CDK5RAP3: variants seen among roughly 807,000 people sequenced by gnomAD.
CDK5RAP3 encodes CDK5 regulatory subunit-associated protein 3.
Under a neutral mutation model 73.3 loss-of-function variants are expected in CDK5RAP3, and 58 were observed. That is an observed-to-expected ratio of 0.79 (90% CI 0.64 to 0.98). CDK5RAP3 has a LOEUF of 0.98. CDK5RAP3 is among the 50% of genes least tolerant of loss of function. The pLI, the probability that CDK5RAP3 is intolerant of heterozygous loss-of-function variation, is 0.00. For synonymous variants in CDK5RAP3, 224 were observed against 247.5 expected (o/e 0.91, Z 0.89); for missense variants, 525 against 615.8 (o/e 0.85, Z 1.56).
chr17:47,977,259 C>T (rs1018422883), intron 9 of CDK5RAP3, among the ~76,000 whole-genome samples: 3 of 152,222 alleles, frequency 2.0e-5, no homozygotes, highest in African/African-American at 4.8e-5. Context: ...CGCCATTCTC[C>T]TGCCTCAGCC....
intron 3 of CDK5RAP3, 108 bp downstream of exon 3, chr17:47,973,758 A>G: frequency 7.0e-7 from 1 of 1,435,380 alleles, no homozygotes; most frequent in Non-Finnish European, 9.6e-7. Context: ...TTAGAGAGGG[A>G]GCGATTTTTA....
chr17:47,973,701 G>C, intron 3 of CDK5RAP3, 51 bp downstream of exon 3: 1 of 1,600,566 alleles, frequency 6.2e-7, no homozygotes, highest in Non-Finnish European at 8.5e-7. Context: ...GAGGTAGTAT[G>C]TATCAGCTGA....
chr17:47,970,845 C>T, upstream of CDK5RAP3: 6 of 1,407,910 alleles, frequency 4.3e-6, no homozygotes, highest in Non-Finnish European at 5.7e-6. Flanking sequence ...CGAGCGCCGC[C>T]TGTCGCAATC....
chr17:47,974,776 G>A, intron 5 of CDK5RAP3: 1 of 1,276,652 alleles, frequency 7.8e-7, no homozygotes, highest in Non-Finnish European at 1.0e-6. Flanking sequence ...TCTACACAAG[G>A]CAGAAGAGGC....
chr17:47,971,064 G>C, upstream of CDK5RAP3: 2 of 1,550,232 alleles, frequency 1.3e-6, no homozygotes, highest in South Asian at 2.4e-5. Context: ...GTGTCTAAAC[G>C]GAGGCTCGGC....
chr17:47,976,715 G>A lies in CDK5RAP3; in HGVS notation c.802G>A (p.Asp268Asn), dbSNP rs1185982796. Residue 268 changes from aspartate (D) to asparagine (N), a missense_variant, in exon 9 of 14, where the codon GAC (aspartate) becomes AAC (asparagine). Physicochemically the swap from Asp to Asn is conservative, Grantham distance 23. Around this residue, in one of 2 missense-constraint regions of CDK5RAP3, gnomAD observed 409 missense variants for 429.8 expected, o/e 0.95. Transcript: ENST00000338399. The stretch of plus-strand genomic sequence containing the variant: ...AACACTCTCTTTCCCTTTCCAGATT[G>A]ACTGGGGCGACTTTGGGGTAGAGGC... ...LPEQVAEDAI[D>N]WGDFGVEAVS... 2 of 1,608,244 alleles carry A rather than the reference G, an allele frequency of 1.2e-6. No homozygotes were observed. The highest frequency in any genetic ancestry group is 1.8e-4 in the Middle Eastern group (1 of 5,446).
In CDK5RAP3 at chr17:47,975,970, G is replaced by A. The variant is rs746686583; in HGVS notation, c.755G>A (p.Arg252Gln). Residue 252 changes from arginine (R) to glutamine (Q), a missense_variant, in exon 8 of 14, where the codon CGA (arginine) becomes CAA (glutamine). Around this residue, in one of 2 missense-constraint regions of CDK5RAP3, gnomAD observed 409 missense variants for 429.8 expected, o/e 0.95. Transcript: ENST00000338399. ...RTGTEPSVVE[R>Q]PHLEELPEQV... is the part of the protein sequence containing the mutation. ...GGGACAGAGCCCTCTGTGGTGGAAC[G>A]ACCCCACCTCGAGGAGCTTCCTGAG... 9 of 1,614,060 alleles carry A rather than the reference G, an allele frequency of 5.6e-6. No homozygotes were observed. Among genetic ancestry groups the A allele is most frequent in the East Asian group, 4.5e-5 (2 of 44,902 alleles).
At position 47,978,849 on chromosome 17, in the gene CDK5RAP3, G is replaced by A; in HGVS notation, c.1009G>A (p.Gly337Ser). The A allele has an allele frequency of 1.2e-6, 2 of 1,613,878 alleles. No individual in the cohort carries two copies. Among genetic ancestry groups the A allele is most frequent in the Non-Finnish European group, 1.7e-6 (2 of 1,179,922 alleles). Residue 337 changes from glycine (G) to serine (S), a missense_variant, in exon 11 of 14, where the codon GGC (glycine) becomes AGC (serine). By Grantham distance (56) the Gly-to-Ser change is moderately conservative (BLOSUM62 0). This residue lies in a region of CDK5RAP3 where 409 missense variants were observed against 429.8 expected (regional missense o/e 0.95). Coordinates refer to ENST00000338399, the MANE Select transcript of CDK5RAP3 (RefSeq NM_176096.3). The part of the protein sequence containing the change: ...GTQAPEGVAR[G>S]PDALTLLEYT... ...GGCAGCTCCAGAAGGTGTTGCCAGG[G>A]GCCCAGATGCCCTGACACTGCTTGA...
At position 47,975,863 on chromosome 17, in the gene CDK5RAP3, T is replaced by C. The variant is rs781558811; in HGVS notation, c.654-6T>C. 1 of 1,614,170 alleles carries C rather than the reference T, an allele frequency of 6.2e-7. No individual in the cohort carries two copies. ...GCAGGAGAGTCAGTTGTGTGCTCTG[T>C]TGAAGCCCCACAGAGCAGGTGTTGC... is the stretch of plus-strand genomic sequence containing the variant. On this transcript the variant is annotated splice_polypyrimidine_tract_variant and splice_region_variant and intron_variant, in intron 7 of 13. Transcript: ENST00000338399.
chr17:47,974,026 A>T lies in CDK5RAP3; in HGVS notation c.280A>T (p.Met94Leu), dbSNP rs2036333792. The stretch of plus-strand genomic sequence containing the variant: ...TTTTGGCCGATACTCTTCACAGCGG[A>T]TGAAGGCAAGTGTGGGCCAAGGGCC... Reference protein sequence around the residue: ...NIFGRYSSQRMKDWQEIIALY... With the variant: ...NIFGRYSSQRLKDWQEIIALY... Residue 94 changes from methionine (M) to leucine (L), a missense_variant, in exon 4 of 14, where the codon ATG becomes TTG. This residue lies in a region of CDK5RAP3 where 409 missense variants were observed against 429.8 expected (regional missense o/e 0.95). Transcript: ENST00000338399. 1.9e-6 allele frequency: 3 copies of T among 1,611,574 alleles called. No homozygotes were observed. The highest frequency in any genetic ancestry group is 1.7e-5 in the Admixed American group (1 of 60,000).
chr17:47,974,293 T>G, intron 4 of CDK5RAP3, 107 bp from the exon 5 acceptor site: 1 of 1,001,194 alleles, frequency 1.0e-6, no homozygotes, highest in Non-Finnish European at 1.6e-6. Flanking sequence ...GAGTTTGTGT[T>G]TGATGTGATG....
At chr17:47,971,487 C>G (rs1009885018) in intron 2 of CDK5RAP3, 80 bp downstream of exon 2, 1 of 1,375,306 alleles carries the variant, frequency 7.3e-7, no homozygotes, top group Non-Finnish European at 9.8e-7. Context: ...GCCGGGAGCT[C>G]TGACCCCTGA....
In CDK5RAP3 at chr17:47,975,940, G is replaced by A; in HGVS notation, c.725G>A (p.Arg242Lys). Residue 242 changes from arginine to lysine, a missense_variant, in exon 8 of 14, where the codon AGG becomes AAG. Coordinates refer to ENST00000338399, the MANE Select transcript of CDK5RAP3 (RefSeq NM_176096.3). ...KRGNSTVYEW[R>K]TGTEPSVVER... is the part of the protein sequence containing the mutation. ...GGAAACTCAACGGTGTACGAGTGGA[G>A]GACAGGGACAGAGCCCTCTGTGGTG... 1.2e-6 allele frequency: 2 copies of A among 1,614,180 alleles called. No homozygotes were observed. The highest frequency in any genetic ancestry group is 1.7e-6 in the Non-Finnish European group (2 of 1,180,032).
In CDK5RAP3 at chr17:47,977,635, G is replaced by A. The variant is rs565604206; in HGVS notation, c.910-197G>A. ...CTTGGTGTTTGGTACAGGGTGTAGG[G>A]GTAAAGGCAGGTGGGAACACTACAG... On this transcript the variant is annotated intron_variant, in intron 9 of 13. Coordinates refer to ENST00000338399, the MANE Select transcript of CDK5RAP3 (RefSeq NM_176096.3). 5.9e-5 allele frequency among the ~76,000 whole-genome samples: 9 copies of A among 152,276 alleles called. No homozygotes were observed. The South Asian group carries it at 1.9e-3, about 32-fold the overall frequency.
intron 10 of CDK5RAP3, 52 bp downstream of exon 10, chr17:47,977,962 CCCA>C: frequency 7.1e-7 from 1 of 1,410,420 alleles, no homozygotes; most frequent in African/African-American, 1.4e-5. Context: ...CTCAAGGGCC[CCCA>C]CGTGTCTAGA....
chr17:47,980,470 T>G, intron 11 of CDK5RAP3, 123 bp from the exon 12 acceptor site: 1 of 824,030 alleles, frequency 1.2e-6, no homozygotes, highest in South Asian at 1.5e-5. Context: ...GGTCTCATCG[T>G]TTCCCAGGCT....
chr17:47,974,254 C>A, intron 4 of CDK5RAP3, 146 bp from the exon 5 acceptor site: 1 of 824,366 alleles, frequency 1.2e-6, no homozygotes, highest in Non-Finnish European at 2.0e-6. Context: ...AGTGGGTGGT[C>A]CAGCCAGCAG....
intron 2 of CDK5RAP3, among the ~76,000 whole-genome samples, chr17:47,972,256 G>A (rs2036288648): frequency 6.6e-6 from 1 of 152,142 alleles, no homozygotes; most frequent in Admixed American, 6.6e-5. Context: ...CATAGTCAGG[G>A]AAGGCCTCTT....
chr17:47,981,221 G>T lies in CDK5RAP3; in HGVS notation c.1342G>T (p.Ala448Ser). 3.1e-6 allele frequency: 5 copies of T among 1,614,258 alleles called. No individual in the cohort carries two copies. The South Asian group carries it at 4.4e-5, about 14-fold the overall frequency. ...QQKLKQSQLLALKKELMVQKQ... is the reference protein window; with the variant it reads ...QQKLKQSQLLSLKKELMVQKQ... ...AAAGCTGAAGCAGTCCCAGCTGCTGGCTTTGAAGAAAGAGCTGATGGTGCA... is the reference window on the plus strand; with the variant it reads ...AAAGCTGAAGCAGTCCCAGCTGCTGTCTTTGAAGAAAGAGCTGATGGTGCA... The change falls in exon 13 of 14, where the codon GCT becomes TCT. Residue 448 changes from alanine (A) to serine (S), a missense_variant. Physicochemically the swap from Ala to Ser is moderately conservative, Grantham distance 99. Transcript: ENST00000338399.
Sources: gnomAD v4.1 joint callset for allele counts (sites outside exome capture counted in the v4.1 genomes callset) on GRCh38, gnomAD v4.1.1 for gene constraint, gnomAD v4.1.1 regional missense constraint, MANE v1.5 for transcripts, NCBI Gene and HGNC (gene_info 2026-07-23, HGNC 2026-07-21) for gene names.